CRPPA: variants seen among roughly 807,000 people sequenced by gnomAD.
CRPPA encodes the protein D-ribitol-5-phosphate cytidylyltransferase.
In CRPPA, 43 loss-of-function variants were observed where a neutral mutation model predicts 52.0. That is an observed-to-expected ratio of 0.83 (90% confidence interval 0.65 to 1.07). The LOEUF is 1.07. Ranked by LOEUF, CRPPA falls within the 50% of genes least tolerant of loss-of-function variation. The pLI is 0.00. For missense variants in CRPPA, 629 were observed against 551.7 expected (o/e 1.14, Z -1.40); for synonymous variants, 250 against 203.5 (o/e 1.23, Z -1.94).
chr7:16,141,198 T>G (rs1782863026), intron 9 of CRPPA, among the ~76,000 whole-genome samples: 1 of 152,168 alleles, frequency 6.6e-6, no homozygotes, highest in South Asian at 2.1e-4. Flanking sequence ...TATGGCTGCT[T>G]TATCACTGCA....
At chr7:16,253,275 A>C (rs1271586865) in intron 8 of CRPPA, among the ~76,000 whole-genome samples, 1 of 152,162 alleles carries the variant, frequency 6.6e-6, no homozygotes, top group African/African-American at 2.4e-5. Flanking sequence ...CACTGCTTTA[A>C]ATGTGTCCCA....
At chr7:16,258,164 G>A (rs1288111385) in intron 8 of CRPPA, among the ~76,000 whole-genome samples, 2 of 151,940 alleles carry the variant, frequency 1.3e-5, no homozygotes, top group Non-Finnish European at 2.9e-5. Context: ...TTGGTTGCTG[G>A]GTTGAAAAAG....
At chr7:16,416,072 T>C (rs1474056436) in intron 1 of CRPPA, among the ~76,000 whole-genome samples, 2 of 152,272 alleles carry the variant, frequency 1.3e-5, no homozygotes, top group Middle Eastern at 3.4e-3. Flanking sequence ...TAGCAAAAGT[T>C]TGGGCAAAGA....
chr7:16,165,497 C>T (rs928588257), intron 9 of CRPPA, among the ~76,000 whole-genome samples: 1 of 152,166 alleles, frequency 6.6e-6, no homozygotes, highest in Non-Finnish European at 1.5e-5. Context: ...ATAACAGACA[C>T]ATGTTCTTGT....
intron 9 of CRPPA, among the ~76,000 whole-genome samples, chr7:16,207,132 C>T (rs1781992392): frequency 6.6e-6 from 1 of 152,094 alleles, no homozygotes; most frequent in African/African-American, 2.4e-5. Context: ...ATTTTGCAAA[C>T]TATTCTCTTT....
At position 16,204,842 on chromosome 7, in the gene CRPPA, C is replaced by T. The variant is rs185444816; in HGVS notation, c.1251+11224G>A. The stretch of plus-strand genomic sequence containing the variant: ...GTAACAGTAGAATCAAATGTAGTAA[C>T]TTCTGTGACTTTCCTAAGATTTTTT... On this transcript the variant is annotated intron_variant, in intron 9 of 9. Transcript: ENST00000407010. Among the ~76,000 whole-genome samples, 23 of 152,296 alleles carry T rather than the reference C, an allele frequency of 1.5e-4. No homozygotes were observed. In the East Asian group the frequency reaches 4.4e-3, roughly 29 times the overall value.
chr7:16,314,242 C>A (rs1355121459), intron 3 of CRPPA, among the ~76,000 whole-genome samples: 2 of 152,034 alleles, frequency 1.3e-5, no homozygotes, highest in Non-Finnish European at 2.9e-5. Context: ...ACCCTTCTAT[C>A]ATTATGTAAT....
In CRPPA at chr7:16,255,170, A is replaced by G. The variant is rs1178124918; in HGVS notation, c.1119+3220T>C. On this transcript the variant is annotated intron_variant, in intron 8 of 9. Coordinates refer to ENST00000407010, the MANE Select transcript of CRPPA (RefSeq NM_001101426.4). ...TATCAGACAAATAGAGAGCCAAATC[A>G]TGAGTGAACTCCCATTCACAATTGC... 2.0e-5 allele frequency among the ~76,000 whole-genome samples: 3 copies of G among 152,336 alleles called. No homozygotes were observed. In the East Asian group the frequency reaches 5.8e-4, roughly 29 times the overall value.
At chr7:16,370,960 T>C (rs908677593) in intron 3 of CRPPA, among the ~76,000 whole-genome samples, 1 of 152,164 alleles carries the variant, frequency 6.6e-6, no homozygotes, top group Non-Finnish European at 1.5e-5. Flanking sequence ...CCTCCCTACT[T>C]GGAACATCAA....
intron 6 of CRPPA, among the ~76,000 whole-genome samples, chr7:16,271,360 CT>C (rs1267693770): frequency 1.3e-5 from 2 of 152,156 alleles, no homozygotes; most frequent in Non-Finnish European, 2.9e-5. Flanking sequence ...CCACCATAAT[CT>C]TCTTGTAAAG....
At chr7:16,254,343 G>A (rs1158233338) in intron 8 of CRPPA, among the ~76,000 whole-genome samples, 3 of 152,102 alleles carry the variant, frequency 2.0e-5, no homozygotes, top group Non-Finnish European at 2.9e-5. Context: ...CAACCCAAAT[G>A]CCCATCAACG....
chr7:16,286,097 A>AAAAAAAATAT lies in CRPPA; in HGVS notation c.836-7872_836-7871insATATTTTTTT. ...TATATATATAATATTTAAAAAAAAAAATATATATATATATATATATGCCAA... is the reference window on the plus strand; with the variant it reads ...TATATATATAATATTTAAAAAAAAAAAAAAAAATATATATATATATATATATATATGCCAA... On this transcript the variant is annotated intron_variant, in intron 5 of 9. Transcript: ENST00000407010. Among the ~76,000 whole-genome samples, 123 of 39,114 alleles carry AAAAAAAATAT rather than the reference A, an allele frequency of 3.1e-3. 17 individuals carry two copies. Among genetic ancestry groups the AAAAAAAATAT allele is most frequent in the African/African-American group, 0.021 (114 of 5,450 alleles). The allele number at this position is 39,114 out of a possible 152,430, so 25.7% of individuals were successfully genotyped here.
intron 3 of CRPPA, among the ~76,000 whole-genome samples, chr7:16,343,944 G>A (rs1295083875): frequency 2.0e-5 from 3 of 152,186 alleles, no homozygotes; most frequent in Non-Finnish European, 4.4e-5. Context: ...ACAGTTATTA[G>A]TTCCGGTTAT....
chr7:16,224,552 A>G (rs972346716), intron 8 of CRPPA, among the ~76,000 whole-genome samples: 3 of 152,136 alleles, frequency 2.0e-5, no homozygotes, highest in African/African-American at 7.2e-5. Flanking sequence ...GTCAAAATGA[A>G]ACTTCTTATT....
At chr7:16,252,335 T>C (rs1003546317) in intron 8 of CRPPA, among the ~76,000 whole-genome samples, 1 of 152,166 alleles carries the variant, frequency 6.6e-6, no homozygotes, top group African/African-American at 2.4e-5. Context: ...AGAAAAGGCC[T>C]TTGACAAAAT....
At chr7:16,368,512 A>G (rs1786667068) in intron 3 of CRPPA, among the ~76,000 whole-genome samples, 1 of 152,200 alleles carries the variant, frequency 6.6e-6, no homozygotes, top group Admixed American at 6.5e-5. Context: ...CAATCCAGAC[A>G]TTGGCACTAG....
chr7:16,102,719 G>T (rs375711270), intron 9 of CRPPA, among the ~76,000 whole-genome samples: 11 of 152,192 alleles, frequency 7.2e-5, no homozygotes, highest in African/African-American at 2.6e-4. Context: ...GCTCATCACT[G>T]GTCAGTAGAG....
chr7:16,311,192 C>A (rs1271213380), intron 3 of CRPPA, among the ~76,000 whole-genome samples: 1 of 152,082 alleles, frequency 6.6e-6, no homozygotes, highest in African/African-American at 2.4e-5. Context: ...CATTATCATT[C>A]AAAGCCCGTA....
intron 9 of CRPPA, among the ~76,000 whole-genome samples, chr7:16,093,489 T>C (rs532700092): frequency 1.8e-4 from 27 of 152,284 alleles, no homozygotes; most frequent in African/African-American, 6.5e-4. Flanking sequence ...CTGCTTAAAG[T>C]GCTCTTTTCT....
Sources: allele counts gnomAD v4.1 joint callset (sites outside exome capture counted in the v4.1 genomes callset), GRCh38; gene constraint gnomAD v4.1.1; transcripts MANE v1.5; gene names NCBI Gene and HGNC (gene_info 2026-07-23, HGNC 2026-07-21).